Variants in STPG4 observed in about 807,000 individuals in gnomAD.
STPG4 encodes the protein sperm-tail PG-rich repeat containing 4, also known as protein STPG4.
In STPG4, 41 loss-of-function variants were observed where a neutral mutation model predicts 31.5. That is an observed-to-expected ratio of 1.30 (90% confidence interval 1.01 to 1.69). STPG4 has a LOEUF of 1.69. Ranked by LOEUF, STPG4 falls within the 40% of genes most tolerant of loss-of-function variation. STPG4 has a pLI of 0.00. For missense variants in STPG4, 375 were observed against 293.4 expected, an observed-to-expected ratio of 1.28 and a Z score of -2.03; for synonymous variants, 141 against 103.0, an observed-to-expected ratio of 1.37 and a Z score of -2.24.
chr2:47,091,727 G>C (rs1054545348), intron 5 of STPG4, among the ~76,000 whole-genome samples: 3 of 152,066 alleles, frequency 2.0e-5, no homozygotes, highest in East Asian at 3.9e-4. Context: ...AGTTGTATAT[G>C]TTTTTCAAGT....
intron 5 of STPG4, among the ~76,000 whole-genome samples, chr2:47,119,015 T>C (rs542558827): frequency 6.6e-6 from 1 of 152,358 alleles, no homozygotes; most frequent in East Asian, 1.9e-4. Flanking sequence ...TGGCACATTA[T>C]AATGTCCTAA....
chr2:47,153,109 AC>A (rs1686969215), intron 1 of STPG4, 93 bp from the exon 2 acceptor site: 8 of 847,382 alleles, frequency 9.4e-6, no homozygotes, highest in South Asian at 1.8e-5. Flanking sequence ...AGAAATTCAC[AC>A]CCATACCCAA....
chr2:47,136,846 C>G (rs1686607920), intron 3 of STPG4, among the ~76,000 whole-genome samples: 2 of 152,176 alleles, frequency 1.3e-5, no homozygotes, highest in Admixed American at 1.3e-4. Flanking sequence ...AACCTTTATC[C>G]TGCAAACTTG....
At chr2:47,109,235 T>G (rs570280612) in intron 5 of STPG4, among the ~76,000 whole-genome samples, 1 of 152,230 alleles carries the variant, frequency 6.6e-6, no homozygotes, top group Non-Finnish European at 1.5e-5. Flanking sequence ...AGAAGAAAAA[T>G]TGCCAGGATA....
chr2:47,129,171 C>A (rs1001736065), intron 5 of STPG4: 3 of 152,268 alleles, frequency 2.0e-5, no homozygotes, highest in Non-Finnish European at 2.9e-5. Flanking sequence ...GACAAGTCCT[C>A]TTTACTCTCC....
Position 47,105,745 on chromosome 2 carries a change from C to T in STPG4, c.520-15371G>A, listed in dbSNP as rs189740463. ...AGGGACCAGTGCCCAGTTAGCAGAA[C>T]TAGTGGCACTTACCTGAGCCTTAAA... is the stretch of plus-strand genomic sequence containing the variant. On this transcript the variant is annotated intron_variant, in intron 5 of 6. Coordinates refer to ENST00000445927, the MANE Select transcript of STPG4 (RefSeq NM_001163561.2). 3.7e-3 allele frequency among the ~76,000 whole-genome samples: 563 copies of T among 152,114 alleles called. 17 individuals carry two copies. Among genetic ancestry groups the T allele is most frequent in the African/African-American group, 0.013 (524 of 41,400 alleles).
intron 5 of STPG4, 196 bp downstream of exon 5, chr2:47,129,745 G>T (rs534870133): frequency 1.4e-4 from 84 of 590,474 alleles, no homozygotes; most frequent in African/African-American, 1.3e-3. Flanking sequence ...TTAAAACCTG[G>T]TATTGCGATC....
At chr2:47,090,173 C>G (rs981451183) in intron 6 of STPG4, 97 bp downstream of exon 6, 1 of 784,854 alleles carries the variant, frequency 1.3e-6, no homozygotes, top group Non-Finnish European at 2.1e-6. Flanking sequence ...CCCATCTCAC[C>G]ACCACCCCGC....
intron 5 of STPG4, among the ~76,000 whole-genome samples, chr2:47,094,071 T>G (rs1229850427): frequency 6.6e-6 from 1 of 152,208 alleles, no homozygotes; most frequent in Non-Finnish European, 1.5e-5. Flanking sequence ...AGCTGAGCAC[T>G]CTGCTCTCTC....
chr2:47,096,818 A>G (rs1685679110), intron 5 of STPG4, among the ~76,000 whole-genome samples: 1 of 152,218 alleles, frequency 6.6e-6, no homozygotes, highest in Admixed American at 6.5e-5. Flanking sequence ...CAAGGACAAA[A>G]ATCTAGTGAA....
At chr2:47,106,409 G>C (rs1199462619) in intron 5 of STPG4, among the ~76,000 whole-genome samples, 1 of 151,902 alleles carries the variant, frequency 6.6e-6, no homozygotes, top group Non-Finnish European at 1.5e-5. Flanking sequence ...ATAGGGTTAG[G>C]AATGGCTGCT....
chr2:47,093,286 T>C (rs932937842), intron 5 of STPG4, among the ~76,000 whole-genome samples: 1 of 152,202 alleles, frequency 6.6e-6, no homozygotes, highest in Non-Finnish European at 1.5e-5. Context: ...AACAGTCATG[T>C]TTTCAAACTG....
chr2:47,092,546 G>A (rs1384348668), intron 5 of STPG4, among the ~76,000 whole-genome samples: 1 of 122,744 alleles, frequency 8.1e-6, no homozygotes, highest in Non-Finnish European at 1.7e-5. Flanking sequence ...GGAGGGGAGG[G>A]AGAAAGGGAG....
At chr2:47,109,424 G>T (rs952457428) in intron 5 of STPG4, among the ~76,000 whole-genome samples, 2 of 152,080 alleles carry the variant, frequency 1.3e-5, no homozygotes, top group Admixed American at 1.3e-4. Flanking sequence ...GGGCATGGTG[G>T]CAGACGCCTG....
chr2:47,146,140 G>A (rs1686814300), intron 3 of STPG4, among the ~76,000 whole-genome samples: 1 of 152,186 alleles, frequency 6.6e-6, no homozygotes, highest in Admixed American at 6.5e-5. Context: ...CAAGAATGAA[G>A]CCAGTTCACA....
At chr2:47,095,962 T>C (rs1024144307) in intron 5 of STPG4, among the ~76,000 whole-genome samples, 3 of 152,164 alleles carry the variant, frequency 2.0e-5, no homozygotes, top group Non-Finnish European at 2.9e-5. Flanking sequence ...ATGGAAGCCA[T>C]GCTCAGCAGA....
intron 5 of STPG4, among the ~76,000 whole-genome samples, chr2:47,094,842 G>C (rs1380205388): frequency 6.6e-6 from 1 of 152,202 alleles, no homozygotes; most frequent in East Asian, 1.9e-4. Context: ...TGGCTTATTG[G>C]TTCCAACTTC....
rs565930520 is a variant in STPG4, at chr2:47,087,988, C to T, written c.625-858G>A. Among the ~76,000 whole-genome samples, 128 of 152,182 alleles carry T rather than the reference C, an allele frequency of 8.4e-4. 1 individual carries two copies. Among genetic ancestry groups the T allele is most frequent in the Middle Eastern group, 3.4e-3 (1 of 294 alleles). On this transcript the variant is annotated intron_variant, in intron 6 of 6. Coordinates refer to ENST00000445927, the MANE Select transcript of STPG4 (RefSeq NM_001163561.2). The stretch of plus-strand genomic sequence containing the variant: ...CAGGTTGGTCTTGATCTCCTGATCT[C>T]GTGATCCGCCCACCTCCGCCTCCTG...
intron 5 of STPG4, among the ~76,000 whole-genome samples, chr2:47,093,154 G>A (rs1309369065): frequency 6.6e-6 from 1 of 152,154 alleles, no homozygotes; most frequent in African/African-American, 2.4e-5. Context: ...CCATGTAATT[G>A]GGGCTGCCAT....
Sources: gnomAD v4.1 joint callset for allele counts (sites outside exome capture counted in the v4.1 genomes callset) on GRCh38, gnomAD v4.1.1 for gene constraint, MANE v1.5 for transcripts, NCBI Gene and HGNC (gene_info 2026-07-23, HGNC 2026-07-21) for gene names.